The following MAP3K7 variants were observed in gnomAD, a reference collection of about 807,000 sequenced individuals.
The protein encoded by MAP3K7 is TGF-beta activated kinase 1.
Under a neutral mutation model 84.8 loss-of-function variants are expected in MAP3K7, and 21 were observed. The observed-to-expected ratio is 0.25, with a 90% CI of 0.18 to 0.36. The LOEUF (loss-of-function observed/expected upper bound fraction) is 0.36, where lower values mean the gene tolerates loss of function less well. Among genes scored for constraint, MAP3K7 ranks in the 10% least tolerant of loss-of-function variants. MAP3K7 has a pLI of 1.00. For synonymous variants in MAP3K7, 241 were observed against 247.7 expected (o/e 0.97, Z 0.25); for missense variants, 503 against 747.7 (o/e 0.67, Z 3.82).
intron 14 of MAP3K7, among the ~76,000 whole-genome samples, chr6:90,521,094 T>G (rs1248410350): frequency 6.6e-6 from 1 of 152,026 alleles, no homozygotes; most frequent in Admixed American, 6.6e-5. Flanking sequence ...TTAAAGCCCT[T>G]GTATGGTGGG....
chr6:90,520,811 C>T (rs779109610), intron 14 of MAP3K7, among the ~76,000 whole-genome samples: 6 of 151,968 alleles, frequency 3.9e-5, no homozygotes, highest in Non-Finnish European at 5.9e-5. Flanking sequence ...TTTCAAACTA[C>T]GCTCCCACAT....
chr6:90,526,333 T>C (rs1562080007), intron 13 of MAP3K7, among the ~76,000 whole-genome samples: 1 of 152,198 alleles, frequency 6.6e-6, no homozygotes, highest in Non-Finnish European at 1.5e-5. Flanking sequence ...TGAAAACTGA[T>C]TATGTACTAA....
chr6:90,560,438 T>C (rs2127978750), intron 4 of MAP3K7, among the ~76,000 whole-genome samples: 1 of 152,316 alleles, frequency 6.6e-6, no homozygotes, highest in South Asian at 2.1e-4. Flanking sequence ...CTTGGCTCAC[T>C]GTAAACTCCA....
intron 3 of MAP3K7, among the ~76,000 whole-genome samples, chr6:90,562,870 C>T (rs374779516): frequency 1.2e-4 from 19 of 152,240 alleles, no homozygotes; most frequent in East Asian, 5.8e-4. Flanking sequence ...CCCTCTGAGA[C>T]GAAGCTTCCA....
intron 14 of MAP3K7, among the ~76,000 whole-genome samples, chr6:90,521,050 GA>G (rs1236723385): frequency 6.6e-6 from 1 of 152,050 alleles, no homozygotes; most frequent in African/African-American, 2.4e-5. Context: ...TCTGGGAGCA[GA>G]AAAAAAGTCC....
intron 2 of MAP3K7, 88 bp from the exon 3 acceptor site, chr6:90,568,711 A>AACG: frequency 3.2e-6 from 3 of 931,982 alleles, no homozygotes; most frequent in Non-Finnish European, 4.9e-6. Context: ...TGTTGTACAA[A>AACG]ACATTTGTTT....
intron 8 of MAP3K7, chr6:90,551,684 T>C (rs1776183551): frequency 6.2e-6 from 1 of 161,970 alleles, no homozygotes; most frequent in Non-Finnish European, 1.3e-5. Context: ...TATCATGTAT[T>C]GAAGTCATAA....
rs1278248548 is a variant in MAP3K7, at chr6:90,519,323, G to A, written c.1463-4C>T. ...GAGTTATCTGATCCATTGGTATCTG[G>A]AATTCAAGCATGTATTTTATTGATT... On this transcript the variant is annotated splice_region_variant and splice_polypyrimidine_tract_variant and intron_variant, in intron 14 of 16. Transcript: ENST00000369329. 1 of 1,559,134 alleles carries A rather than the reference G, an allele frequency of 6.4e-7. No homozygotes were observed. Among genetic ancestry groups the A allele is most frequent in the Non-Finnish European group, 8.7e-7 (1 of 1,150,694 alleles).
At chr6:90,548,236 G>A (rs1776068473) in intron 9 of MAP3K7, 59 bp from the exon 10 acceptor site, 2 of 1,406,820 alleles carry the variant, frequency 1.4e-6, no homozygotes, top group Admixed American at 2.1e-5. Context: ...TGCTTCACTT[G>A]GTATTATGTA....
At chr6:90,556,748 G>C (rs1165144531) in intron 5 of MAP3K7, 124 bp from the exon 6 acceptor site, 6 of 922,060 alleles carry the variant, frequency 6.5e-6, no homozygotes, top group Non-Finnish European at 9.4e-6. Context: ...TTCAACTTCT[G>C]TGAAATGACT....
intron 6 of MAP3K7, among the ~76,000 whole-genome samples, chr6:90,553,908 A>T (rs1257200341): frequency 6.6e-6 from 1 of 152,174 alleles, no homozygotes; most frequent in Admixed American, 6.5e-5. Flanking sequence ...GGGGCAGAGT[A>T]TGAAACATCT....
chr6:90,586,935 G>T lies in MAP3K7; in HGVS notation c.-52C>A, dbSNP rs1203698861. The T allele has an allele frequency of 3.9e-6, 6 of 1,529,152 alleles. No homozygotes were observed. In the African/African-American group the frequency reaches 7.1e-5, roughly 18 times the overall value. 94.7% of individuals were successfully genotyped at this position (1,529,152 alleles called of 1,614,324 possible). ...GGGAACGGTGCCACCCGGACAATCC[G>T]GGTGAGACCCGCGCCCACCCGCCTC... On this transcript the variant is annotated 5_prime_UTR_variant, in exon 1 of 17. Coordinates refer to ENST00000369329, the MANE Select transcript of MAP3K7 (RefSeq NM_145331.3).
At chr6:90,527,439 A>C (rs1040611640) in intron 13 of MAP3K7, among the ~76,000 whole-genome samples, 1 of 151,662 alleles carries the variant, frequency 6.6e-6, no homozygotes, top group Non-Finnish European at 1.5e-5. Flanking sequence ...ATTTTAAAAA[A>C]AATTTGTGTA....
At chr6:90,586,607 C>T (rs903809604) in intron 1 of MAP3K7, among the ~76,000 whole-genome samples, 157 bp downstream of exon 1, 2 of 152,194 alleles carry the variant, frequency 1.3e-5, no homozygotes, top group African/African-American at 4.8e-5. Context: ...GAGTAACCCC[C>T]ACTCCCACGT....
rs553978094 is a variant in MAP3K7 at position 90,547,268 on chromosome 6, G to A, written c.1200C>T (p.Ala400=). ...ADMSEIEARI[A]ATTAYSKPKR... is the part of the protein sequence containing the mutation. ...GTAGTTCCTTTTTACCTGTGGTTGC[G>A]GCGATCCTAGCTTCTATTTCAGACA... Residue 400 remains alanine (A), a synonymous_variant, in exon 11 of 17, where the codon GCC becomes GCT. Transcript: ENST00000369329. The A allele has an allele frequency of 5.0e-6, 8 of 1,613,102 alleles. No homozygotes were observed. The highest frequency in any genetic ancestry group is 3.3e-5 in the South Asian group (3 of 91,040).
chr6:90,564,048 A>T (rs1776614734), intron 3 of MAP3K7, among the ~76,000 whole-genome samples: 1 of 152,170 alleles, frequency 6.6e-6, no homozygotes, highest in Non-Finnish European at 1.5e-5. Context: ...AGGCCTGCTG[A>T]ACAAGAGCTC....
At chr6:90,525,711 G>A (rs1265924439) in intron 13 of MAP3K7, among the ~76,000 whole-genome samples, 1 of 150,352 alleles carries the variant, frequency 6.7e-6, no homozygotes, top group Admixed American at 6.6e-5. Context: ...GGGACTACAG[G>A]CACACACAAC....
Position 90,517,658 on chromosome 6 carries a change from A to G in MAP3K7, c.1640+789T>C, listed in dbSNP as rs950625080. Among the ~76,000 whole-genome samples the G allele has an allele frequency of 4.6e-5, 7 of 151,998 alleles. No homozygotes were observed. In the East Asian group the frequency reaches 1.3e-3, roughly 29 times the overall value. On this transcript the variant is annotated intron_variant, in intron 16 of 16. Coordinates refer to ENST00000369329, the MANE Select transcript of MAP3K7 (RefSeq NM_145331.3). ...AATTTCCTATTTAGGCTTACCTTTC[A>G]AATACCAGGTTGGTTCCATTTAAAT...
chr6:90,562,761 G>A (rs775496232), intron 3 of MAP3K7, among the ~76,000 whole-genome samples: 7 of 152,202 alleles, frequency 4.6e-5, no homozygotes, highest in African/African-American at 4.8e-5. Context: ...ATCTGAGAAC[G>A]GACAGACTGC....
Sources: allele counts gnomAD v4.1 joint callset (sites outside exome capture counted in the v4.1 genomes callset), GRCh38; gene constraint gnomAD v4.1.1; transcripts MANE v1.5; gene names NCBI Gene and HGNC (gene_info 2026-07-23, HGNC 2026-07-21).